MACROD2: variants seen among roughly 807,000 people sequenced by gnomAD.
The protein encoded by MACROD2 is mono-ADP ribosylhydrolase 2.
Under a neutral mutation model 70.4 loss-of-function variants are expected in MACROD2, and 36 were observed. The observed-to-expected ratio is 0.51, with a 90% confidence interval of 0.39 to 0.68. The LOEUF (loss-of-function observed/expected upper bound fraction) is 0.68, where lower values mean the gene tolerates loss of function less well. Ranked by LOEUF, MACROD2 falls within the 30% of genes least tolerant of loss-of-function variation. MACROD2 has a pLI of 0.00. For missense variants in MACROD2, 496 were observed against 538.4 expected (o/e 0.92, Z 0.78); for synonymous variants, 172 against 178.8 (o/e 0.96, Z 0.30).
intron 5 of MACROD2, among the ~76,000 whole-genome samples, chr20:14,843,971 A>G (rs1449021809): frequency 6.6e-6 from 1 of 152,040 alleles, no homozygotes; most frequent in Admixed American, 6.6e-5. Context: ...TGCCATTAGC[A>G]CCACTTCCAC....
intron 5 of MACROD2, among the ~76,000 whole-genome samples, chr20:14,730,257 C>T (rs2071579376): frequency 6.6e-6 from 1 of 152,058 alleles, no homozygotes. Context: ...TAATGAAAGA[C>T]ATAAATCTTT....
In MACROD2 at chr20:15,375,427, C is replaced by A. The variant is rs186232301; in HGVS notation, c.541-55978C>A. Among the ~76,000 whole-genome samples, 476 of 152,114 alleles carry A rather than the reference C, an allele frequency of 3.1e-3. 3 individuals carry two copies. Among genetic ancestry groups the A allele is most frequent in the Non-Finnish European group, 2.7e-3 (183 of 67,990 alleles). On this transcript the variant is annotated intron_variant, in intron 6 of 17. Transcript: ENST00000684519. The stretch of plus-strand genomic sequence containing the variant: ...GAAAGACTCAGGTGCTGTAATTGTG[C>A]GGTAATTTGGTATGGCAGCTTCTAA...
At chr20:14,105,867 C>G (rs547650962) in intron 3 of MACROD2, among the ~76,000 whole-genome samples, 2 of 152,290 alleles carry the variant, frequency 1.3e-5, no homozygotes, top group Admixed American at 1.3e-4. Context: ...CTGGCCCTAA[C>G]AGGCCAAAAG....
At chr20:15,894,992 C>A (rs2064948543) in intron 10 of MACROD2, among the ~76,000 whole-genome samples, 1 of 152,186 alleles carries the variant, frequency 6.6e-6, no homozygotes, top group African/African-American at 2.4e-5. Flanking sequence ...CAATACTCAC[C>A]TTTCCCCTAG....
chr20:15,562,924 A>T (rs2048263819), intron 8 of MACROD2, among the ~76,000 whole-genome samples: 1 of 152,196 alleles, frequency 6.6e-6, no homozygotes, highest in South Asian at 2.1e-4. Flanking sequence ...GGAGCCTGGG[A>T]TCATCTTATG....
intron 3 of MACROD2, among the ~76,000 whole-genome samples, chr20:14,251,923 A>G (rs1838350212): frequency 6.6e-6 from 1 of 152,044 alleles, no homozygotes. Context: ...CCAAATTTGC[A>G]CTAGTTTTTT....
At chr20:14,002,661 A>G (rs1271187738) in intron 2 of MACROD2, among the ~76,000 whole-genome samples, 1 of 151,922 alleles carries the variant, frequency 6.6e-6, no homozygotes, top group African/African-American at 2.4e-5. Flanking sequence ...TATTTTTTCT[A>G]TTCTGTAACA....
chr20:14,191,597 G>A (rs754631537), intron 3 of MACROD2, among the ~76,000 whole-genome samples: 1 of 152,218 alleles, frequency 6.6e-6, no homozygotes, highest in Admixed American at 6.5e-5. Context: ...GAGAGGGAGA[G>A]TAGAGAATGC....
At position 14,703,151 on chromosome 20, in the gene MACROD2, AT is replaced by A. The variant is rs200877271; in HGVS notation, c.418+18194del. On this transcript the variant is annotated intron_variant, in intron 5 of 17. Coordinates refer to ENST00000684519, the MANE Select transcript of MACROD2 (RefSeq NM_001351661.2). ...TTGTTTATTTTCCTCTAAATGGGTGATTAGTTGTTTCCAATATTTTCCTGTT... is the reference window on the plus strand; with the variant it reads ...TTGTTTATTTTCCTCTAAATGGGTGATAGTTGTTTCCAATATTTTCCTGTT... Among the ~76,000 whole-genome samples the A allele has an allele frequency of 5.3e-5, 8 of 152,172 alleles. No individual in the cohort carries two copies. The East Asian group carries it at 7.7e-4, about 15-fold the overall frequency.
chr20:14,729,335 T>A (rs2071566519), intron 5 of MACROD2, among the ~76,000 whole-genome samples: 1 of 152,312 alleles, frequency 6.6e-6, no homozygotes, highest in East Asian at 1.9e-4. Context: ...AGACTAGATA[T>A]GTTGACAATC....
intron 9 of MACROD2, among the ~76,000 whole-genome samples, chr20:15,873,969 G>T (rs1158405839): frequency 1.3e-5 from 2 of 151,900 alleles, no homozygotes; most frequent in East Asian, 3.9e-4. Flanking sequence ...CAATGTGCAG[G>T]TTTGTTACAT....
At chr20:15,787,953 G>T (rs1035002554) in intron 8 of MACROD2, among the ~76,000 whole-genome samples, 4 of 152,100 alleles carry the variant, frequency 2.6e-5, no homozygotes, top group Admixed American at 1.3e-4. Context: ...GATTTTTTAA[G>T]TCTATATCAC....
intron 8 of MACROD2, among the ~76,000 whole-genome samples, chr20:15,555,828 C>CA (rs397838341): frequency 0.22 from 4,088 of 18,348 alleles, 383 homozygotes; most frequent in Non-Finnish European, 0.28. Context: ...GACTCCATCT[C>CA]AAAAAAAAAA....
intron 3 of MACROD2, chr20:14,127,537 C>A: frequency 2.0e-6 from 1 of 496,068 alleles, no homozygotes; most frequent in South Asian, 3.3e-5. Context: ...AGGAGAAAGC[C>A]ATTTTTGCAG....
chr20:15,279,190 C>T (rs1393968721), intron 6 of MACROD2, among the ~76,000 whole-genome samples: 1 of 152,158 alleles, frequency 6.6e-6, no homozygotes, highest in East Asian at 1.9e-4. Flanking sequence ...GGGCTTCTTG[C>T]AGGGTGTAGG....
intron 5 of MACROD2, among the ~76,000 whole-genome samples, chr20:14,953,232 T>C (rs1361740252): frequency 6.6e-6 from 1 of 152,130 alleles, no homozygotes; most frequent in Non-Finnish European, 1.5e-5. Context: ...TTCCATAAAG[T>C]GTGAAAGGTT....
intron 5 of MACROD2, among the ~76,000 whole-genome samples, chr20:14,885,989 AT>A (rs1422387545): frequency 1.3e-5 from 2 of 152,184 alleles, no homozygotes; most frequent in Non-Finnish European, 1.5e-5. Context: ...TTGTCATGGG[AT>A]TTATCCTTCT....
chr20:15,485,447 C>T (rs1254164021), intron 7 of MACROD2, among the ~76,000 whole-genome samples: 2 of 152,098 alleles, frequency 1.3e-5, no homozygotes, highest in African/African-American at 2.4e-5. Flanking sequence ...CATTACAACT[C>T]CAGGCTATCT....
At chr20:14,815,863 A>G (rs551251876) in intron 5 of MACROD2, among the ~76,000 whole-genome samples, 1 of 152,126 alleles carries the variant, frequency 6.6e-6, no homozygotes, top group Non-Finnish European at 1.5e-5. Flanking sequence ...TTTGCCATCT[A>G]CAACCATATT....
Sources: gnomAD v4.1 joint callset for allele counts (sites outside exome capture counted in the v4.1 genomes callset) on GRCh38, gnomAD v4.1.1 for gene constraint, MANE v1.5 for transcripts, NCBI Gene and HGNC (gene_info 2026-07-23, HGNC 2026-07-21) for gene names.